FRS2: variants seen among roughly 807,000 people sequenced by gnomAD.
The protein encoded by FRS2 is fibroblast growth factor receptor substrate 2.
Under a neutral mutation model 43.9 loss-of-function variants are expected in FRS2, and 8 were observed. The observed-to-expected ratio is 0.18, with a 90% CI of 0.11 to 0.33. The LOEUF (loss-of-function observed/expected upper bound fraction) is 0.33. Among genes scored for constraint, FRS2 ranks in the 10% least tolerant of loss-of-function variants. The pLI is 1.00. For synonymous variants in FRS2, 219 were observed against 220.3 expected (o/e 0.99, Z 0.05); for missense variants, 534 against 627.6 (o/e 0.85, Z 1.59).
At chr12:69,485,383 C>T (rs1871827333) in intron 1 of FRS2, among the ~76,000 whole-genome samples, 1 of 151,948 alleles carries the variant, frequency 6.6e-6, no homozygotes, top group African/African-American at 2.4e-5. Flanking sequence ...GGGGTTTCAC[C>T]GTGTTAGCCA....
Position 69,576,350 on chromosome 12 carries a change from G to A in FRS2, c.*1395G>A, listed in dbSNP as rs1481187250. 6.6e-6 allele frequency: 1 copy of A among 152,120 alleles called. No homozygotes were observed. The allele number at this position is 152,120 out of a possible 1,614,324, so 9.4% of individuals were successfully genotyped here. A position where few individuals can be genotyped will look rare whatever the true frequency, so the allele number is the denominator to read the frequency against. ...GTGGAAGTCTTGTAGCAGTGAGATT[G>A]TATCATAATTTAGGATTTAAAATGA... On this transcript the variant is annotated 3_prime_UTR_variant, in exon 9 of 9. Coordinates refer to ENST00000549921, the MANE Select transcript of FRS2 (RefSeq NM_001278356.2).
chr12:69,562,506 G>A (rs1879956067), intron 4 of FRS2, among the ~76,000 whole-genome samples: 2 of 151,944 alleles, frequency 1.3e-5, no homozygotes, highest in African/African-American at 4.8e-5. Flanking sequence ...TTCTTGAACT[G>A]CAACCATTTT....
Position 69,521,959 on chromosome 12 carries a change from G to A in FRS2, c.-260-8906G>A, listed in dbSNP as rs555569675. ...GAAGAGGTATTGAATTTTATTGAGA[G>A]CCTTTTCTGCGTCTATTGAATTGAT... On this transcript the variant is annotated intron_variant, in intron 1 of 8. Transcript: ENST00000549921. Among the ~76,000 whole-genome samples, 5 of 152,208 alleles carry A rather than the reference G, an allele frequency of 3.3e-5. No homozygotes were observed. In the East Asian group the frequency reaches 9.7e-4, roughly 29 times the overall value.
At chr12:69,475,129 TA>T (rs1173820253) in intron 1 of FRS2, among the ~76,000 whole-genome samples, 1 of 152,194 alleles carries the variant, frequency 6.6e-6, no homozygotes, top group Non-Finnish European at 1.5e-5. Flanking sequence ...GGTATTTAAA[TA>T]GGGGGAACTT....
chr12:69,479,390 C>CTTTTTTT (rs57688271), intron 1 of FRS2, among the ~76,000 whole-genome samples: 9 of 119,690 alleles, frequency 7.5e-5, no homozygotes, highest in Non-Finnish European at 1.0e-4. Flanking sequence ...TCTGTTGTTT[C>CTTTTTTT]TTTTTTTTTT....
At chr12:69,470,585 G>A in intron 1 of FRS2, 55 bp downstream of exon 1, 1 of 398,166 alleles carries the variant, frequency 2.5e-6, no homozygotes, top group Non-Finnish European at 4.4e-6. Context: ...CGGAGCTGGC[G>A]TTCTCGTGCC....
intron 1 of FRS2, among the ~76,000 whole-genome samples, chr12:69,471,444 G>A (rs1245768708): frequency 1.3e-5 from 2 of 152,162 alleles, no homozygotes; most frequent in Admixed American, 1.3e-4. Context: ...TTTTTCTTAA[G>A]GAAAAATTGT....
intron 1 of FRS2, among the ~76,000 whole-genome samples, chr12:69,523,580 G>T (rs1326899361): frequency 3.3e-5 from 5 of 152,108 alleles, no homozygotes; most frequent in Non-Finnish European, 7.4e-5. Context: ...TAACATTGCA[G>T]GTTAGTATTG....
chr12:69,545,735 G>A (rs556294979), intron 3 of FRS2, among the ~76,000 whole-genome samples: 53 of 131,168 alleles, frequency 4.0e-4, no homozygotes, highest in African/African-American at 1.4e-3. Context: ...CAGCCTGGGC[G>A]ACAGTGTGAG....
Position 69,579,416 on chromosome 12 carries a change from C to T in FRS2, c.*4461C>T, listed in dbSNP as rs1032807862. The T allele has an allele frequency of 7.9e-5, 12 of 151,804 alleles. No individual in the cohort carries two copies. Among genetic ancestry groups the T allele is most frequent in the African/African-American group, 2.2e-4 (9 of 41,056 alleles). 9.4% of individuals were successfully genotyped at this position (151,804 alleles called of 1,614,324 possible). A position where few individuals can be genotyped will look rare whatever the true frequency, so the allele number is the denominator to read the frequency against. On this transcript the variant is annotated 3_prime_UTR_variant, in exon 9 of 9. Transcript: ENST00000549921. Reference sequence around the variant, plus strand: ...GAAGTCAGAGTTCTTTACAATCAAACGTTTATTAACTGGAGTACTTAGAAT... The same window carrying T: ...GAAGTCAGAGTTCTTTACAATCAAATGTTTATTAACTGGAGTACTTAGAAT...
intron 1 of FRS2, among the ~76,000 whole-genome samples, chr12:69,480,840 A>G (rs577798208): frequency 1.6e-4 from 25 of 152,318 alleles, no homozygotes; most frequent in South Asian, 6.2e-4. Flanking sequence ...CTTTGCAGAC[A>G]TGATTCTGCT....
rs1881092540 is a variant in FRS2 at position 69,575,011 on chromosome 12, C to G, written c.*56C>G. 8.9e-7 allele frequency: 1 copy of G among 1,123,464 alleles called. No homozygotes were observed. Among genetic ancestry groups the G allele is most frequent in the South Asian group, 1.4e-5 (1 of 71,076 alleles). 69.6% of individuals were successfully genotyped at this position (1,123,464 alleles called of 1,614,324 possible). The stretch of plus-strand genomic sequence containing the variant: ...TGTGAAGTTTTTAAAAATGAAGATG[C>G]AAGTGCTTCATTTTCATTTCTAAAC... On this transcript the variant is annotated 3_prime_UTR_variant, in exon 9 of 9. Coordinates refer to ENST00000549921, the MANE Select transcript of FRS2 (RefSeq NM_001278356.2).
rs565484868 is a variant in FRS2 at position 69,575,710 on chromosome 12, C to T, written c.*755C>T. ...ACCCAAAAACATTTGAAAATCTGAA[C>T]CACAATCTCCTGAAAGTTTTTCTCC... On this transcript the variant is annotated 3_prime_UTR_variant, in exon 9 of 9. Coordinates refer to ENST00000549921, the MANE Select transcript of FRS2 (RefSeq NM_001278356.2). The T allele has an allele frequency of 6.5e-6, 1 of 152,760 alleles. No homozygotes were observed. Among genetic ancestry groups the T allele is most frequent in the South Asian group, 2.1e-4 (1 of 4,830 alleles). 9.5% of individuals were successfully genotyped at this position (152,760 alleles called of 1,614,324 possible).
chr12:69,552,894 A>G (rs1440411908), intron 3 of FRS2, among the ~76,000 whole-genome samples: 1 of 151,734 alleles, frequency 6.6e-6, no homozygotes, highest in African/African-American at 2.4e-5. Flanking sequence ...TCCATCTCAA[A>G]AAAAAAAAAA....
chr12:69,472,412 T>A (rs1269848313), intron 1 of FRS2, among the ~76,000 whole-genome samples: 4 of 152,134 alleles, frequency 2.6e-5, no homozygotes, highest in Non-Finnish European at 5.9e-5. Flanking sequence ...AACTTTTAAA[T>A]TTAGATAGAA....
At chr12:69,507,292 C>T (rs766344878) in intron 1 of FRS2, among the ~76,000 whole-genome samples, 1 of 152,150 alleles carries the variant, frequency 6.6e-6, no homozygotes, top group Non-Finnish European at 1.5e-5. Context: ...AATAGGCACT[C>T]AGTGATAAAT....
chr12:69,512,702 T>C (rs1231105681), intron 1 of FRS2, among the ~76,000 whole-genome samples: 1 of 152,240 alleles, frequency 6.6e-6, no homozygotes, highest in Non-Finnish European at 1.5e-5. Flanking sequence ...AAAATGATTT[T>C]ACTTTATAAC....
At chr12:69,477,906 A>C (rs1021729484) in intron 1 of FRS2, among the ~76,000 whole-genome samples, 1 of 149,382 alleles carries the variant, frequency 6.7e-6, no homozygotes, top group Admixed American at 6.7e-5. Context: ...ACGCCCGGCT[A>C]ATTTTTTGTA....
intron 1 of FRS2, among the ~76,000 whole-genome samples, chr12:69,510,471 T>C (rs1196736091): frequency 6.6e-6 from 1 of 152,214 alleles, no homozygotes; most frequent in African/African-American, 2.4e-5. Context: ...TGGCCCATGA[T>C]AGATAATAAA....
Sources: gnomAD v4.1 joint callset for allele counts (sites outside exome capture counted in the v4.1 genomes callset) on GRCh38, gnomAD v4.1.1 for gene constraint, MANE v1.5 for transcripts, NCBI Gene and HGNC (gene_info 2026-07-23, HGNC 2026-07-21) for gene names.